The following CADM2 variants were observed in gnomAD, a reference collection of about 807,000 sequenced individuals.
CADM2 encodes cell adhesion molecule 2.
A neutral mutation model predicts 49.8 loss-of-function variants in CADM2; 12 were observed. The ratio of observed to expected loss-of-function variants is 0.24; its 90% confidence interval spans 0.15 to 0.39. The LOEUF is 0.39. CADM2 is among the 10% of genes least tolerant of loss of function. The pLI is 1.00. For missense variants in CADM2, 378 were observed against 492.3 expected, an observed-to-expected ratio of 0.77 and a Z score of 2.20; for synonymous variants, 214 against 175.4, an observed-to-expected ratio of 1.22 and a Z score of -1.74.
At chr3:85,969,823 C>A (rs1725893470) in intron 8 of CADM2, among the ~76,000 whole-genome samples, 1 of 150,944 alleles carries the variant, frequency 6.6e-6, no homozygotes, top group South Asian at 2.1e-4. Flanking sequence ...AAATCTGTTT[C>A]TGTCTGTCTC....
chr3:86,002,932 T>C (rs977864959), intron 8 of CADM2, among the ~76,000 whole-genome samples: 1 of 152,166 alleles, frequency 6.6e-6, no homozygotes, highest in Non-Finnish European at 1.5e-5. Flanking sequence ...TGAAAAGTTA[T>C]TTGAAAACAA....
intron 5 of CADM2, among the ~76,000 whole-genome samples, chr3:85,897,601 A>G (rs1248147322): frequency 2.6e-5 from 4 of 152,114 alleles, no homozygotes; most frequent in African/African-American, 7.2e-5. Context: ...CTCTGGCCAT[A>G]TAACTCGATT....
chr3:85,862,754 A>G (rs1361933432), intron 3 of CADM2, among the ~76,000 whole-genome samples: 1 of 152,314 alleles, frequency 6.6e-6, no homozygotes, highest in African/African-American at 2.4e-5. Flanking sequence ...TAACCCAGGT[A>G]AGGTATCAGA....
intron 1 of CADM2, among the ~76,000 whole-genome samples, chr3:85,675,010 AT>A (rs1325441613): frequency 1.3e-5 from 2 of 152,144 alleles, no homozygotes; most frequent in Non-Finnish European, 2.9e-5. Flanking sequence ...TAGACTGCTG[AT>A]TTTATTTGTG....
chr3:85,063,250 G>C (rs2036402422), intron 1 of CADM2, among the ~76,000 whole-genome samples: 1 of 151,684 alleles, frequency 6.6e-6, no homozygotes. Flanking sequence ...TGCTTTTGAT[G>C]GAAATGTAAT....
intron 5 of CADM2, among the ~76,000 whole-genome samples, chr3:85,889,931 T>A (rs1577576872): frequency 6.6e-6 from 1 of 151,922 alleles, no homozygotes; most frequent in African/African-American, 2.4e-5. Flanking sequence ...GTGGGAGAGG[T>A]TAAGGCTCAA....
intron 8 of CADM2, among the ~76,000 whole-genome samples, chr3:85,998,158 G>A (rs1325047803): frequency 6.6e-6 from 1 of 152,050 alleles, no homozygotes; most frequent in Non-Finnish European, 1.5e-5. Flanking sequence ...AGCAGGGTTG[G>A]GGGTAAGAGT....
At chr3:85,629,108 A>G (rs1353070257) in intron 1 of CADM2, among the ~76,000 whole-genome samples, 7 of 151,884 alleles carry the variant, frequency 4.6e-5, no homozygotes, top group Admixed American at 4.6e-4. Flanking sequence ...TGAACCTCAG[A>G]CAGCATATTA....
chr3:85,717,182 T>G (rs1004026645), intron 1 of CADM2, among the ~76,000 whole-genome samples: 1 of 152,174 alleles, frequency 6.6e-6, no homozygotes, highest in Non-Finnish European at 1.5e-5. Flanking sequence ...TGAGCAGTGG[T>G]TTGTAGTTCT....
At chr3:85,971,133 A>C (rs548395015) in intron 8 of CADM2, among the ~76,000 whole-genome samples, 7 of 151,696 alleles carry the variant, frequency 4.6e-5, no homozygotes, top group African/African-American at 1.7e-4. Flanking sequence ...TATACATGAG[A>C]TTATTTTTCA....
Position 85,794,852 on chromosome 3 carries a change from C to T in CADM2, c.89-7195C>T, listed in dbSNP as rs140505025. Among the ~76,000 whole-genome samples, 635 of 152,148 alleles carry T rather than the reference C, an allele frequency of 4.2e-3. 3 individuals carry two copies. The highest frequency in any genetic ancestry group is 0.014 in the African/African-American group (587 of 41,524). On this transcript the variant is annotated intron_variant, in intron 2 of 9. Coordinates refer to ENST00000383699, the MANE Select transcript of CADM2 (RefSeq NM_001167675.2). The stretch of plus-strand genomic sequence containing the variant: ...AGTAAGCTTCTCTTTCTTTACCCAT[C>T]CTTCAGATGTTGATTCATACAAAGC...
intron 1 of CADM2, among the ~76,000 whole-genome samples, chr3:85,332,909 C>A (rs949611642): frequency 6.6e-6 from 1 of 151,814 alleles, no homozygotes; most frequent in Admixed American, 6.6e-5. Context: ...GTATGAATTA[C>A]AGGATGAATT....
intron 1 of CADM2, among the ~76,000 whole-genome samples, chr3:85,060,781 T>C (rs1331694566): frequency 1.3e-5 from 2 of 152,118 alleles, no homozygotes; most frequent in Non-Finnish European, 2.9e-5. Context: ...GTTTATGAAA[T>C]GATATGTTAG....
chr3:85,575,624 T>C (rs1304289131), intron 1 of CADM2, among the ~76,000 whole-genome samples: 2 of 152,176 alleles, frequency 1.3e-5, no homozygotes, highest in African/African-American at 4.8e-5. Context: ...AACAGTATGC[T>C]AAATTTTTAT....
chr3:85,399,931 T>G (rs1039226894), intron 1 of CADM2, among the ~76,000 whole-genome samples: 8 of 152,184 alleles, frequency 5.3e-5, no homozygotes, highest in Non-Finnish European at 1.2e-4. Context: ...CAATTTGACT[T>G]CCTGTTTTCC....
intron 1 of CADM2, among the ~76,000 whole-genome samples, chr3:85,293,186 A>G (rs1243358620): frequency 2.0e-5 from 3 of 152,180 alleles, no homozygotes; most frequent in Non-Finnish European, 2.9e-5. Context: ...TGGAAAATCT[A>G]GAAGAAATGG....
intron 1 of CADM2, among the ~76,000 whole-genome samples, chr3:85,366,105 G>C (rs2032764048): frequency 6.6e-6 from 1 of 152,176 alleles, no homozygotes. Flanking sequence ...CATAGGTGCT[G>C]TCTGTTCATC....
chr3:85,086,711 G>A lies in CADM2; in HGVS notation c.61+127043G>A, dbSNP rs2037392622. On this transcript the variant is annotated intron_variant, in intron 1 of 9. Coordinates refer to ENST00000383699, the MANE Select transcript of CADM2 (RefSeq NM_001167675.2). ...TTTTTAGTAGACACGGTTTCACCATGTTGGCCAGGCTGGTCTGGAACTTCT... is the reference window on the plus strand; with the variant it reads ...TTTTTAGTAGACACGGTTTCACCATATTGGCCAGGCTGGTCTGGAACTTCT... Among the ~76,000 whole-genome samples, 2 of 151,918 alleles carry A rather than the reference G, an allele frequency of 1.3e-5. 1 individual carries two copies. Among genetic ancestry groups the A allele is most frequent in the Admixed American group, 1.3e-4 (2 of 15,250 alleles).
intron 1 of CADM2, among the ~76,000 whole-genome samples, chr3:85,450,540 A>G (rs1576579079): frequency 2.0e-5 from 3 of 152,056 alleles, no homozygotes; most frequent in African/African-American, 7.2e-5. Context: ...AATAAAAAGT[A>G]CAATATAGAA....
Sources: gnomAD v4.1 joint callset for allele counts (sites outside exome capture counted in the v4.1 genomes callset) on GRCh38, gnomAD v4.1.1 for gene constraint, MANE v1.5 for transcripts, NCBI Gene and HGNC (gene_info 2026-07-23, HGNC 2026-07-21) for gene names.